AMBN: variants seen among roughly 807,000 people sequenced by gnomAD.
AMBN encodes ameloblastin.
AMBN carries 54 observed loss-of-function variants against 48.0 expected under a neutral mutation model. The observed-to-expected ratio is 1.12, with a 90% confidence interval of 0.90 to 1.41. The LOEUF (loss-of-function observed/expected upper bound fraction) is 1.41, where lower values mean the gene tolerates loss of function less well. Ranked by LOEUF, AMBN falls within the 40% of genes most tolerant of loss-of-function variation. The pLI is 0.00. For synonymous variants in AMBN, 186 were observed against 190.0 expected (o/e 0.98, Z 0.17); for missense variants, 571 against 547.3 (o/e 1.04, Z -0.43).
At chr4:70,596,577 C>G (rs1737388809) in intron 2 of AMBN, among the ~76,000 whole-genome samples, 1 of 152,090 alleles carries the variant, frequency 6.6e-6, no homozygotes, top group African/African-American at 2.4e-5. Context: ...TCTTGTAAAC[C>G]AAAATCATAT....
chr4:70,593,454 A>G, intron 2 of AMBN, 59 bp downstream of exon 2: 3 of 1,392,902 alleles, frequency 2.2e-6, no homozygotes, highest in East Asian at 4.6e-5. Context: ...ACTCCAAACA[A>G]CACTGAAGGG....
chr4:70,603,562 T>C, intron 11 of AMBN, 102 bp downstream of exon 11: 1 of 1,173,654 alleles, frequency 8.5e-7, no homozygotes, highest in Non-Finnish European at 1.2e-6. Context: ...CAAATAAACA[T>C]TCTCTGAACA....
rs113360877 is a variant in AMBN, at chr4:70,603,289, C to T, written c.678C>T (p.His226=). 34,026 of 1,613,366 alleles carry T rather than the reference C, an allele frequency of 0.021. 397 individuals carry two copies. The highest frequency in any genetic ancestry group is 0.025 in the Non-Finnish European group (29,598 of 1,179,568). The change falls in exon 10 of 13, where the codon CAC becomes CAT. Residue 226 remains histidine (H), a synonymous_variant. Coordinates refer to ENST00000322937, the MANE Select transcript of AMBN (RefSeq NM_016519.6). ...TIFQIARLIS[H]GPMPQNKQSP... is the part of the protein sequence containing the mutation. The stretch of plus-strand genomic sequence containing the variant: ...TCCAAATAGCCCGTTTGATTTCTCA[C>T]GGACCAATGCCACAAAATAAACAAT...
At chr4:70,593,765 T>C (rs1737328266) in intron 2 of AMBN, among the ~76,000 whole-genome samples, 2 of 151,714 alleles carry the variant, frequency 1.3e-5, no homozygotes, top group Admixed American at 6.6e-5. Flanking sequence ...CTTGGGAGGC[T>C]GAGGCAGGAG....
intron 4 of AMBN, 39 bp downstream of exon 4, chr4:70,598,442 T>C (rs1469148427): frequency 2.7e-6 from 4 of 1,492,150 alleles, no homozygotes; most frequent in Non-Finnish European, 3.7e-6. Context: ...ATGGTGGTGG[T>C]AGTGTTAATA....
chr4:70,596,866 G>T, intron 2 of AMBN, 133 bp from the exon 3 acceptor site: 1 of 583,958 alleles, frequency 1.7e-6, no homozygotes, highest in Admixed American at 3.1e-5. Context: ...AAGCACTCAA[G>T]TCATTTGCAT....
intron 6 of AMBN, 85 bp downstream of exon 6, chr4:70,601,739 C>T (rs140365016): frequency 2.7e-4 from 343 of 1,270,352 alleles, no homozygotes; most frequent in East Asian, 1.6e-3. Flanking sequence ...TTTAAATAAT[C>T]GTAGCCTTCA....
chr4:70,601,715 A>T, intron 6 of AMBN, 61 bp downstream of exon 6: 1 of 1,486,720 alleles, frequency 6.7e-7, no homozygotes, highest in Non-Finnish European at 9.3e-7. Flanking sequence ...AAGAAAACGA[A>T]TTTGCAGGGC....
chr4:70,592,832 G>T (rs996139857), intron 1 of AMBN, among the ~76,000 whole-genome samples: 2 of 152,132 alleles, frequency 1.3e-5, no homozygotes, highest in Non-Finnish European at 2.9e-5. Context: ...TGGTTACGTA[G>T]ATTACCTAAA....
chr4:70,602,564 T>C (rs545743366), intron 6 of AMBN, 60 bp from the exon 7 acceptor site: 1 of 1,268,984 alleles, frequency 7.9e-7, no homozygotes, highest in Admixed American at 2.3e-5. Context: ...ATTTTTAATG[T>C]CACTTTGTCT....
chr4:70,600,370 T>C (rs111983789), intron 5 of AMBN, among the ~76,000 whole-genome samples: 4,319 of 151,782 alleles, frequency 0.028, 87 homozygotes, highest in Non-Finnish European at 0.043. Flanking sequence ...TCAATAAATA[T>C]ATCAATCTGT....
At chr4:70,596,947 T>A in intron 2 of AMBN, 52 bp from the exon 3 acceptor site, 3 of 1,546,832 alleles carry the variant, frequency 1.9e-6, no homozygotes, top group Non-Finnish European at 2.7e-6. Context: ...CAATGGGCAT[T>A]GAAGGAAGTT....
At chr4:70,602,876 T>C (rs1326063256) in intron 8 of AMBN, 40 bp downstream of exon 8, 1 of 1,548,318 alleles carries the variant, frequency 6.5e-7, no homozygotes, top group South Asian at 1.2e-5. Context: ...ATTTTTTATT[T>C]TTATTTTTAT....
In AMBN at chr4:70,598,412, A is replaced by G; in HGVS notation, c.183+9A>G. The G allele has an allele frequency of 6.3e-7, 1 of 1,582,798 alleles. No individual in the cohort carries two copies. The highest frequency in any genetic ancestry group is 8.6e-7 in the Non-Finnish European group (1 of 1,163,734). Reference sequence around the variant, plus strand: ...TAAACACACTTTCTCAGGTAATCATATTTCTTATTGCAAGTATTCATGGTG... The same window carrying G: ...TAAACACACTTTCTCAGGTAATCATGTTTCTTATTGCAAGTATTCATGGTG... On this transcript the variant is annotated intron_variant, in intron 4 of 12. Coordinates refer to ENST00000322937, the MANE Select transcript of AMBN (RefSeq NM_016519.6).
chr4:70,593,097 T>A (rs1004736548), intron 1 of AMBN, among the ~76,000 whole-genome samples: 1 of 152,202 alleles, frequency 6.6e-6, no homozygotes, highest in East Asian at 1.9e-4. Context: ...AGGCTGTAGA[T>A]CCATTTAAAA....
chr4:70,602,286 T>C (rs915312511), intron 6 of AMBN, among the ~76,000 whole-genome samples: 3 of 152,146 alleles, frequency 2.0e-5, no homozygotes, highest in African/African-American at 7.2e-5. Context: ...AAAAATTAAG[T>C]GGCAGAGCCA....
At chr4:70,600,443 C>T (rs889323836) in intron 5 of AMBN, among the ~76,000 whole-genome samples, 1 of 151,976 alleles carries the variant, frequency 6.6e-6, no homozygotes, top group Non-Finnish European at 1.5e-5. Flanking sequence ...GTAGTAAAAG[C>T]GAAGACATTT....
intron 11 of AMBN, among the ~76,000 whole-genome samples, 174 bp from the exon 12 acceptor site, chr4:70,603,703 C>A (rs935564095): frequency 2.0e-5 from 3 of 152,068 alleles, no homozygotes; most frequent in African/African-American, 7.2e-5. Flanking sequence ...AATTTTAGAT[C>A]TGAATTATCC....
intron 5 of AMBN, among the ~76,000 whole-genome samples, 200 bp from the exon 6 acceptor site, chr4:70,601,218 G>A (rs1330396556): frequency 6.6e-6 from 1 of 152,094 alleles, no homozygotes; most frequent in Non-Finnish European, 1.5e-5. Flanking sequence ...GGTCCCAAAG[G>A]AGGTAGGGGA....
Sources: allele counts gnomAD v4.1 joint callset (sites outside exome capture counted in the v4.1 genomes callset), GRCh38; gene constraint gnomAD v4.1.1; transcripts MANE v1.5; gene names NCBI Gene and HGNC (gene_info 2026-07-23, HGNC 2026-07-21).